Variants in LMO7 observed in about 807,000 individuals in gnomAD.
The protein encoded by LMO7 is LIM domain only protein 7.
Under a neutral mutation model 206.5 loss-of-function variants are expected in LMO7, and 120 were observed. That is an observed-to-expected ratio of 0.58 (90% CI 0.50 to 0.68). The LOEUF (loss-of-function observed/expected upper bound fraction) is 0.68. Among genes scored for constraint, LMO7 ranks in the 30% least tolerant of loss-of-function variants. The pLI, the probability that LMO7 is intolerant of heterozygous loss-of-function variation, is 0.00. For synonymous variants in LMO7, 706 were observed against 681.5 expected (o/e 1.04, Z -0.56); for missense variants, 1,959 against 1,957.9 (o/e 1.00, Z -0.01).
intron 7 of LMO7, 69 bp downstream of exon 7, chr13:75,800,951 A>C: frequency 6.8e-7 from 1 of 1,469,940 alleles, no homozygotes; most frequent in Non-Finnish European, 9.5e-7. Flanking sequence ...AGGAGAGAAT[A>C]GAAAAATGGA....
chr13:75,722,732 C>T (rs936800625), intron 2 of LMO7, among the ~76,000 whole-genome samples: 18 of 152,106 alleles, frequency 1.2e-4, no homozygotes, highest in Non-Finnish European at 1.0e-4. Context: ...TATAGCAGCG[C>T]AATTTGCACT....
intron 11 of LMO7, among the ~76,000 whole-genome samples, chr13:75,816,414 G>C (rs898263388): frequency 6.6e-6 from 1 of 152,180 alleles, no homozygotes; most frequent in African/African-American, 2.4e-5. Context: ...TAGTTTACCT[G>C]GCTCTTTTAT....
rs147090888 is a variant in LMO7, at chr13:75,847,339, C to T, written c.4151-1740C>T. On this transcript the variant is annotated intron_variant, in intron 26 of 30. Coordinates refer to ENST00000377534, the MANE Select transcript of LMO7 (RefSeq NM_001306080.2). The stretch of plus-strand genomic sequence containing the variant: ...CCAAATCCAAGAGACAGAGTCCTCA[C>T]GATAAAACCTGACTTAATTGTCATG... Among the ~76,000 whole-genome samples the T allele has an allele frequency of 3.4e-3, 513 of 152,274 alleles. 6 individuals carry two copies. Among genetic ancestry groups the T allele is most frequent in the African/African-American group, 0.012 (483 of 41,550 alleles).
At chr13:75,647,756 A>C (rs2037164167) in intron 1 of LMO7, among the ~76,000 whole-genome samples, 1 of 152,066 alleles carries the variant, frequency 6.6e-6, no homozygotes, top group Non-Finnish European at 1.5e-5. Context: ...TTCAACTTAA[A>C]CATCAGAGGC....
intron 10 of LMO7, 75 bp downstream of exon 10, chr13:75,808,274 C>T (rs1239320311): frequency 1.6e-4 from 238 of 1,449,344 alleles, no homozygotes; most frequent in South Asian, 1.5e-3. Flanking sequence ...GAGAAAGCAG[C>T]TCATCGTGTT....
At chr13:75,694,413 A>G (rs141293335) in intron 1 of LMO7, among the ~76,000 whole-genome samples, 1 of 152,336 alleles carries the variant, frequency 6.6e-6, no homozygotes, top group East Asian at 1.9e-4. Flanking sequence ...CTGCAGGCAG[A>G]ATGGATCTCT....
chr13:75,710,082 C>G (rs927637088), intron 1 of LMO7, among the ~76,000 whole-genome samples: 2 of 152,088 alleles, frequency 1.3e-5, no homozygotes, highest in African/African-American at 4.8e-5. Flanking sequence ...TTGTTTTTGT[C>G]AGGTTTGTCA....
At chr13:75,804,244 C>A in intron 7 of LMO7, 45 bp from the exon 8 acceptor site, 1 of 1,581,102 alleles carries the variant, frequency 6.3e-7, no homozygotes, top group Non-Finnish European at 8.6e-7. Context: ...TTCAGTTAGG[C>A]GAATAATCTG....
chr13:75,781,095 CCTTTTTTTTTTTTTTTTTTTTTTTG>C (rs1264718242), intron 4 of LMO7, among the ~76,000 whole-genome samples: 2 of 59,994 alleles, frequency 3.3e-5, no homozygotes, highest in East Asian at 1.1e-3. Flanking sequence ...ACTCTATTTT[CCTTTTTTTTTTTTTTTTTTTTTTTG>C]CTTTTTTTTT....
At position 75,840,440 on chromosome 13, in the gene LMO7, A is replaced by T; in HGVS notation, c.3527A>T (p.Glu1176Val). ...SAPSRWVWDQ[E>V]EERKRQERWQ... ...CCGAGTCGCTGGGTGTGGGATCAAGAGGAGGAGCGGAAGCGGCAGGAGAGG... is the reference window on the plus strand; with the variant it reads ...CCGAGTCGCTGGGTGTGGGATCAAGTGGAGGAGCGGAAGCGGCAGGAGAGG... Residue 1176 changes from glutamate (E) to valine (V), a missense_variant, in exon 22 of 31, where the codon GAG (glutamate) becomes GTG (valine). Glu to Val is a moderately radical substitution (Grantham distance 121). Transcript: ENST00000377534. 2 of 1,614,032 alleles carry T rather than the reference A, an allele frequency of 1.2e-6. No homozygotes were observed. The highest frequency in any genetic ancestry group is 1.7e-6 in the Non-Finnish European group (2 of 1,179,980).
intron 4 of LMO7, among the ~76,000 whole-genome samples, chr13:75,768,791 ATCTTG>A (rs1000797511): frequency 6.6e-5 from 10 of 152,080 alleles, no homozygotes; most frequent in African/African-American, 2.2e-4. Context: ...GGTGTTCAAA[ATCTTG>A]TCTTTACTGA....
chr13:75,773,318 A>G (rs917282173), intron 4 of LMO7, among the ~76,000 whole-genome samples: 2 of 152,134 alleles, frequency 1.3e-5, no homozygotes, highest in African/African-American at 4.8e-5. Context: ...GGCCTGTAGT[A>G]TCCTGGCTAG....
chr13:75,726,148 T>C (rs538219798), intron 2 of LMO7, among the ~76,000 whole-genome samples: 17 of 152,154 alleles, frequency 1.1e-4, no homozygotes, highest in African/African-American at 3.1e-4. Context: ...TTTCAAGATA[T>C]TGTTCTCTGA....
At chr13:75,766,440 G>A (rs779423045) in intron 4 of LMO7, among the ~76,000 whole-genome samples, 8 of 151,938 alleles carry the variant, frequency 5.3e-5, no homozygotes, top group Admixed American at 2.0e-4. Context: ...GGAAATTTTG[G>A]TTTTAGGGAA....
intron 26 of LMO7, among the ~76,000 whole-genome samples, chr13:75,845,744 G>A (rs144090853): frequency 2.0e-5 from 3 of 152,252 alleles, no homozygotes; most frequent in African/African-American, 4.8e-5. Context: ...ATACTAATTC[G>A]AATTATACAT....
At chr13:75,801,948 C>G (rs983406228) in intron 7 of LMO7, among the ~76,000 whole-genome samples, 7 of 132,620 alleles carry the variant, frequency 5.3e-5, no homozygotes, top group African/African-American at 1.9e-4. Context: ...ATCTTATACT[C>G]ATCTCTCTCT....
Position 75,769,355 on chromosome 13 carries a change from G to C in LMO7, c.317+8317G>C, listed in dbSNP as rs188645348. 2.6e-4 allele frequency among the ~76,000 whole-genome samples: 40 copies of C among 152,020 alleles called. No individual in the cohort carries two copies. The East Asian group carries it at 5.6e-3, about 21-fold the overall frequency. On this transcript the variant is annotated intron_variant, in intron 4 of 30. Coordinates refer to ENST00000377534, the MANE Select transcript of LMO7 (RefSeq NM_001306080.2). Reference sequence around the variant, plus strand: ...TTTCAGAGTGCCCCTACTAACCTGGGAGGCAGGATTCTGTGTCACTTTATA... The same window carrying C: ...TTTCAGAGTGCCCCTACTAACCTGGCAGGCAGGATTCTGTGTCACTTTATA...
At chr13:75,710,614 T>A (rs964190220) in intron 1 of LMO7, among the ~76,000 whole-genome samples, 27 of 151,950 alleles carry the variant, frequency 1.8e-4, no homozygotes, top group Non-Finnish European at 3.7e-4. Context: ...GTTATTGGTG[T>A]ATAGGAATGC....
intron 3 of LMO7, among the ~76,000 whole-genome samples, chr13:75,749,914 A>G (rs755282510): frequency 7.2e-5 from 11 of 152,028 alleles, no homozygotes; most frequent in African/African-American, 9.7e-5. Flanking sequence ...TTCTTCACAA[A>G]TAACTATTGA....
Sources: allele counts gnomAD v4.1 joint callset (sites outside exome capture counted in the v4.1 genomes callset), GRCh38; gene constraint gnomAD v4.1.1; transcripts MANE v1.5; gene names NCBI Gene and HGNC (gene_info 2026-07-23, HGNC 2026-07-21).